CMPK1: variants seen among roughly 807,000 people sequenced by gnomAD.
CMPK1 encodes cytidine/uridine monophosphate kinase 1.
In CMPK1, 10 loss-of-function variants were observed where a neutral mutation model predicts 25.7. That is an observed-to-expected ratio of 0.39 (90% CI 0.24 to 0.66). The LOEUF (loss-of-function observed/expected upper bound fraction) is 0.66. Ranked by LOEUF, CMPK1 falls within the 30% of genes least tolerant of loss-of-function variation. The pLI is 0.48. For missense variants in CMPK1, 199 were observed against 280.5 expected, an observed-to-expected ratio of 0.71 and a Z score of 2.08; for synonymous variants, 106 against 101.5, an observed-to-expected ratio of 1.04 and a Z score of -0.27.
At chr1:47,344,344 T>C (rs1646467017) in intron 1 of CMPK1, among the ~76,000 whole-genome samples, 1 of 152,140 alleles carries the variant, frequency 6.6e-6, no homozygotes. Flanking sequence ...AGAGCAGTTA[T>C]CCTTGTATAG....
intron 3 of CMPK1, among the ~76,000 whole-genome samples, chr1:47,374,360 T>G (rs1646694805): frequency 6.6e-6 from 1 of 152,204 alleles, no homozygotes; most frequent in African/African-American, 2.4e-5. Context: ...CCTGGCCTTT[T>G]GCATTGTTTT....
At chr1:47,339,701 C>CTTTT (rs71053104) in intron 1 of CMPK1, among the ~76,000 whole-genome samples, 11 of 109,938 alleles carry the variant, frequency 1.0e-4, no homozygotes, top group Non-Finnish European at 1.6e-4. Flanking sequence ...TCTTCCTTTC[C>CTTTT]TTTTTTTTTT....
intron 2 of CMPK1, among the ~76,000 whole-genome samples, chr1:47,369,827 T>TG (rs796940636): frequency 3.9e-4 from 59 of 151,920 alleles, no homozygotes; most frequent in African/African-American, 1.3e-3. Context: ...CCCAAAGTGC[T>TG]GGGATTAGAG....
intron 1 of CMPK1, among the ~76,000 whole-genome samples, chr1:47,348,808 A>G (rs1321760224): frequency 6.6e-6 from 1 of 152,228 alleles, no homozygotes; most frequent in Non-Finnish European, 1.5e-5. Flanking sequence ...TTTAACCCAC[A>G]AGCTTTACCT....
At chr1:47,355,272 C>T (rs1570365250) in intron 1 of CMPK1, among the ~76,000 whole-genome samples, 1 of 151,164 alleles carries the variant, frequency 6.6e-6, no homozygotes, top group Non-Finnish European at 1.5e-5. Flanking sequence ...TCTTGAACTC[C>T]TGACCTCAGG....
chr1:47,344,220 A>T (rs1040203572), intron 1 of CMPK1, among the ~76,000 whole-genome samples: 1 of 152,178 alleles, frequency 6.6e-6, no homozygotes, highest in African/African-American at 2.4e-5. Context: ...TAGGGAAGGG[A>T]CATCTAAATG....
At chr1:47,368,337 A>G (rs987810047) in intron 1 of CMPK1, 132 bp from the exon 2 acceptor site, 31 of 643,450 alleles carry the variant, frequency 4.8e-5, no homozygotes, top group Non-Finnish European at 6.8e-5. Flanking sequence ...TTTCTTTATT[A>G]TTTAATATAC....
intron 1 of CMPK1, among the ~76,000 whole-genome samples, chr1:47,363,294 C>T (rs769729158): frequency 1.3e-5 from 2 of 152,092 alleles, no homozygotes; most frequent in African/African-American, 4.8e-5. Flanking sequence ...TTGAACCATC[C>T]GAAGTTAGAG....
chr1:47,358,752 A>G, intron 1 of CMPK1: 1 of 984,674 alleles, frequency 1.0e-6, no homozygotes, highest in Non-Finnish European at 1.2e-6. Context: ...CATTAGTTTG[A>G]TAATTTTGCA....
intron 1 of CMPK1, among the ~76,000 whole-genome samples, chr1:47,358,143 A>C (rs1431392157): frequency 8.7e-6 from 1 of 115,390 alleles, no homozygotes; most frequent in East Asian, 2.7e-4. Context: ...ACAGAGTCTC[A>C]TTCTGTTTCC....
rs1646687100 is a variant in CMPK1 at position 47,372,999 on chromosome 1, C to T, written c.363C>T (p.Phe121=). The T allele has an allele frequency of 6.2e-7, 1 of 1,613,166 alleles. No individual in the cohort carries two copies. Among genetic ancestry groups the T allele is most frequent in the African/African-American group, 1.3e-5 (1 of 74,878 alleles). The change falls in exon 3 of 6, where the codon TTC becomes TTT. Residue 121 remains phenylalanine, a synonymous_variant. Coordinates refer to ENST00000371873, the MANE Select transcript of CMPK1 (RefSeq NM_016308.3). ...TMAANAQKNK[F]LIDGFPRNQD... ...CTGCCAATGCTCAGAAGAATAAATT[C>T]TTGATTGATGGGTTTCCAAGAAATC...
chr1:47,353,909 G>A (rs1235149628), intron 1 of CMPK1, among the ~76,000 whole-genome samples: 1 of 152,094 alleles, frequency 6.6e-6, no homozygotes, highest in African/African-American at 2.4e-5. Context: ...TAGAGATGGC[G>A]TTTCACCATG....
intron 1 of CMPK1, among the ~76,000 whole-genome samples, chr1:47,366,881 C>T (rs527685627): frequency 6.6e-6 from 1 of 152,230 alleles, no homozygotes; most frequent in South Asian, 2.1e-4. Context: ...CCTGCAACCA[C>T]ACCTGGCTAA....
At chr1:47,372,855 T>G in intron 2 of CMPK1, 100 bp from the exon 3 acceptor site, 1 of 807,668 alleles carries the variant, frequency 1.2e-6, no homozygotes, top group Non-Finnish European at 1.8e-6. Flanking sequence ...TTACTTATGG[T>G]TTAAATAATA....
intron 4 of CMPK1, 80 bp downstream of exon 4, chr1:47,375,065 A>AACAAGCCATTTT: frequency 7.5e-7 from 1 of 1,339,158 alleles, no homozygotes; most frequent in Non-Finnish European, 1.1e-6. Flanking sequence ...GTCACATTTA[A>AACAAGCCATTTT]ACATGTAAAA....
intron 1 of CMPK1, among the ~76,000 whole-genome samples, chr1:47,365,562 A>T (rs188274966): frequency 4.2e-4 from 59 of 140,498 alleles, no homozygotes; most frequent in Admixed American, 1.7e-3. Context: ...TAAGCCTAGG[A>T]GGTGGAGGTT....
chr1:47,370,365 G>A (rs1240035918), intron 2 of CMPK1, among the ~76,000 whole-genome samples: 5 of 151,308 alleles, frequency 3.3e-5, no homozygotes, highest in Admixed American at 6.6e-5. Flanking sequence ...GAGGCTGGGC[G>A]CAGTGGCTCA....
At chr1:47,372,764 A>G (rs1340836059) in intron 2 of CMPK1, among the ~76,000 whole-genome samples, 191 bp from the exon 3 acceptor site, 2 of 151,714 alleles carry the variant, frequency 1.3e-5, no homozygotes, top group Non-Finnish European at 2.9e-5. Context: ...ATCTTAATAC[A>G]TTGATAGATT....
intron 3 of CMPK1, among the ~76,000 whole-genome samples, chr1:47,374,439 A>G (rs1457680441): frequency 1.3e-5 from 2 of 152,226 alleles, no homozygotes; most frequent in Non-Finnish European, 2.9e-5. Context: ...TAACTTTAGA[A>G]TGTTACCACA....
Sources: allele counts gnomAD v4.1 joint callset (sites outside exome capture counted in the v4.1 genomes callset), GRCh38; gene constraint gnomAD v4.1.1; transcripts MANE v1.5; gene names NCBI Gene and HGNC (gene_info 2026-07-23, HGNC 2026-07-21).